The following CSMD1 variants were observed in gnomAD, a reference collection of about 807,000 sequenced individuals.
CSMD1 encodes the protein CUB and Sushi multiple domains 1.
CSMD1 carries 213 observed loss-of-function variants against 417.5 expected under a neutral mutation model. The observed-to-expected ratio is 0.51, with a 90% CI of 0.46 to 0.57. The LOEUF (loss-of-function observed/expected upper bound fraction) is 0.57, where lower values mean the gene tolerates loss of function less well. Among genes scored for constraint, CSMD1 ranks in the 20% least tolerant of loss-of-function variants. The probability of loss-of-function intolerance (pLI) is 0.00; values close to 1 mark genes in which losing one functional copy is unlikely to be tolerated. For synonymous variants in CSMD1, 2,862 were observed against 1,736.8 expected (o/e 1.65, Z -16.11); for missense variants, 6,923 against 4,529.7 (o/e 1.53, Z -15.17).
intron 3 of CSMD1, among the ~76,000 whole-genome samples, chr8:4,123,206 T>G (rs1385534071): frequency 2.6e-5 from 4 of 152,226 alleles, no homozygotes; most frequent in Admixed American, 2.6e-4. Flanking sequence ...GGTTAGGAAT[T>G]CCTTAGAGCC....
chr8:4,450,032 T>G (rs1019191577), intron 2 of CSMD1, among the ~76,000 whole-genome samples: 2 of 152,232 alleles, frequency 1.3e-5, no homozygotes, highest in African/African-American at 4.8e-5. Context: ...TGTCCTGTCC[T>G]TGATGACTGG....
At chr8:3,335,151 T>C (rs1022833625) in intron 23 of CSMD1, among the ~76,000 whole-genome samples, 4 of 152,164 alleles carry the variant, frequency 2.6e-5, no homozygotes, top group Admixed American at 6.5e-5. Flanking sequence ...TACACCACTA[T>C]GTTTCTCTCT....
At chr8:3,841,893 G>A (rs1803161760) in intron 5 of CSMD1, among the ~76,000 whole-genome samples, 1 of 151,712 alleles carries the variant, frequency 6.6e-6, no homozygotes, top group African/African-American at 2.4e-5. Context: ...ACTGGCCACG[G>A]CAAAGCCTTT....
intron 2 of CSMD1, among the ~76,000 whole-genome samples, chr8:4,610,505 T>G (rs1482936075): frequency 6.6e-6 from 1 of 152,186 alleles, no homozygotes; most frequent in East Asian, 1.9e-4. Context: ...AACACCACTC[T>G]TTCTATGATG....
intron 5 of CSMD1, among the ~76,000 whole-genome samples, chr8:3,968,248 T>G (rs1362405836): frequency 6.6e-6 from 1 of 151,994 alleles, no homozygotes; most frequent in Non-Finnish European, 1.5e-5. Context: ...TATTTCTCAA[T>G]GTACTTTGTT....
At position 4,528,781 on chromosome 8, in the gene CSMD1, TTC is replaced by T. The variant is rs35818830; in HGVS notation, c.302+108559_302+108560del. On this transcript the variant is annotated intron_variant, in intron 2 of 69. Transcript: ENST00000635120. Reference sequence around the variant, plus strand: ...CTGAATTTTCACATAAGAGCTCACTTTCTCTCTCTCTCTCTCTCTCTCTCATA... The same window carrying T: ...CTGAATTTTCACATAAGAGCTCACTTTCTCTCTCTCTCTCTCTCTCTCATA... 3.1e-3 allele frequency among the ~76,000 whole-genome samples: 463 copies of T among 149,266 alleles called. 5 individuals are homozygous for T. The highest frequency in any genetic ancestry group is 9.7e-3 in the African/African-American group (395 of 40,724).
At chr8:4,905,804 A>C (rs1286217377) in intron 1 of CSMD1, among the ~76,000 whole-genome samples, 2 of 139,718 alleles carry the variant, frequency 1.4e-5, no homozygotes, top group Non-Finnish European at 1.5e-5. Flanking sequence ...TGGGCCACAG[A>C]GCGAGACTCC....
At chr8:4,623,681 G>C (rs111704774) in intron 2 of CSMD1, among the ~76,000 whole-genome samples, 352 of 152,208 alleles carry the variant, frequency 2.3e-3, no homozygotes, top group African/African-American at 8.1e-3. Context: ...AAGAAATGTG[G>C]ATGGACCTCA....
intron 5 of CSMD1, among the ~76,000 whole-genome samples, chr8:3,834,582 T>G (rs919755303): frequency 2.6e-5 from 4 of 152,190 alleles, no homozygotes; most frequent in African/African-American, 7.2e-5. Flanking sequence ...GTATTACAAA[T>G]ATATAAATGT....
chr8:3,936,790 ATTG>A (rs1488738934), intron 5 of CSMD1, among the ~76,000 whole-genome samples: 7 of 152,138 alleles, frequency 4.6e-5, no homozygotes, highest in Non-Finnish European at 1.0e-4. Flanking sequence ...ACTTTCAATT[ATTG>A]TTATTTAAGA....
intron 5 of CSMD1, among the ~76,000 whole-genome samples, chr8:3,779,149 TTGTGTGTGTG>T (rs56294437): frequency 2.7e-4 from 40 of 147,538 alleles, no homozygotes; most frequent in Middle Eastern, 3.5e-3. Flanking sequence ...GCGTGCATAC[TTGTGTGTGTG>T]TGTGTGTGTG....
intron 5 of CSMD1, among the ~76,000 whole-genome samples, chr8:3,857,547 G>A (rs1356165980): frequency 6.6e-6 from 1 of 152,188 alleles, no homozygotes. Context: ...ACTGGAAATG[G>A]CAGAGTCGTC....
At chr8:4,273,428 CT>C (rs1202427702) in intron 3 of CSMD1, among the ~76,000 whole-genome samples, 1 of 152,020 alleles carries the variant, frequency 6.6e-6, no homozygotes, top group Non-Finnish European at 1.5e-5. Context: ...GTCAATTATA[CT>C]TTTTTATCTT....
At chr8:3,756,631 G>A (rs1315577871) in intron 5 of CSMD1, among the ~76,000 whole-genome samples, 3 of 152,118 alleles carry the variant, frequency 2.0e-5, no homozygotes, top group Non-Finnish European at 4.4e-5. Context: ...CATTTCATAT[G>A]GTGATAGAAG....
intron 42 of CSMD1, chr8:3,113,358 A>C (rs17079403): frequency 6.6e-6 from 1 of 152,244 alleles, no homozygotes; most frequent in Non-Finnish European, 1.5e-5. Flanking sequence ...TTCCGTGCTC[A>C]TGAATACCCG....
chr8:3,069,688 G>A (rs1813194402), intron 49 of CSMD1, among the ~76,000 whole-genome samples: 1 of 152,128 alleles, frequency 6.6e-6, no homozygotes, highest in Admixed American at 6.5e-5. Flanking sequence ...CATGCTGAGG[G>A]GGCAAACTGC....
At chr8:3,491,039 C>A (rs529304059) in intron 11 of CSMD1, among the ~76,000 whole-genome samples, 3 of 152,210 alleles carry the variant, frequency 2.0e-5, no homozygotes, top group African/African-American at 4.8e-5. Context: ...TCCCCAAATT[C>A]CTCAATGGAA....
chr8:4,232,619 A>C (rs1223278421), intron 3 of CSMD1, among the ~76,000 whole-genome samples: 2 of 152,200 alleles, frequency 1.3e-5, no homozygotes, highest in African/African-American at 2.4e-5. Context: ...GTCTTGCTGC[A>C]AATTAGATGA....
chr8:3,717,905 G>C (rs191393828), intron 6 of CSMD1, among the ~76,000 whole-genome samples: 3 of 152,032 alleles, frequency 2.0e-5, no homozygotes, highest in African/African-American at 4.8e-5. Flanking sequence ...AGAATAATTT[G>C]CTAGAACTAG....
Sources: allele counts gnomAD v4.1 joint callset (sites outside exome capture counted in the v4.1 genomes callset), GRCh38; gene constraint gnomAD v4.1.1; transcripts MANE v1.5; gene names NCBI Gene and HGNC (gene_info 2026-07-23, HGNC 2026-07-21).